Variants in CCSER2 observed in about 807,000 individuals in gnomAD.
CCSER2 encodes serine-rich coiled-coil domain-containing protein 2.
In CCSER2, 46 loss-of-function variants were observed where a neutral mutation model predicts 92.3. The observed-to-expected ratio is 0.50, with a 90% CI of 0.39 to 0.64. CCSER2 has a LOEUF of 0.64. CCSER2 is among the 30% of genes least tolerant of loss of function. CCSER2 has a pLI of 0.00. For missense variants in CCSER2, 1,244 were observed against 1,238.9 expected (o/e 1.00, Z -0.06); for synonymous variants, 433 against 431.4 (o/e 1.00, Z -0.04).
intron 7 of CCSER2, among the ~76,000 whole-genome samples, chr10:84,465,714 C>T (rs192601680): frequency 1.2e-4 from 18 of 152,066 alleles, no homozygotes; most frequent in African/African-American, 4.3e-4. Flanking sequence ...CTTTCTAGTT[C>T]ATCTAAATAT....
chr10:84,509,506 C>T (rs568348703), intron 9 of CCSER2, among the ~76,000 whole-genome samples: 1 of 152,292 alleles, frequency 6.6e-6, no homozygotes, highest in South Asian at 2.1e-4. Flanking sequence ...GCACAACCCC[C>T]CTGTAGTGCC....
chr10:84,346,134 G>A (rs1302250831), intron 1 of CCSER2, among the ~76,000 whole-genome samples: 10 of 152,094 alleles, frequency 6.6e-5, no homozygotes, highest in African/African-American at 2.2e-4. Context: ...GCGCAATCTC[G>A]GCTCACCGCA....
chr10:84,367,153 A>C (rs1341715708), intron 1 of CCSER2, among the ~76,000 whole-genome samples: 1 of 152,018 alleles, frequency 6.6e-6, no homozygotes, highest in Non-Finnish European at 1.5e-5. Context: ...GTATTTCATT[A>C]ACTTAAATAG....
At chr10:84,422,271 G>C (rs1564646773) in intron 4 of CCSER2, among the ~76,000 whole-genome samples, 1 of 152,150 alleles carries the variant, frequency 6.6e-6, no homozygotes, top group Non-Finnish European at 1.5e-5. Context: ...ATCATGTTCT[G>C]ATCCCCAACA....
At chr10:84,402,431 A>C (rs893834775) in intron 3 of CCSER2, among the ~76,000 whole-genome samples, 1 of 152,230 alleles carries the variant, frequency 6.6e-6, no homozygotes, top group Non-Finnish European at 1.5e-5. Flanking sequence ...CAGCAAATTG[A>C]AACCAACATG....
At chr10:84,421,790 T>G (rs989638053) in intron 4 of CCSER2, among the ~76,000 whole-genome samples, 1 of 152,228 alleles carries the variant, frequency 6.6e-6, no homozygotes, top group African/African-American at 2.4e-5. Context: ...TGACACGGGA[T>G]TCTTCAGAAA....
At chr10:84,492,475 A>C (rs1378391135) in intron 9 of CCSER2, among the ~76,000 whole-genome samples, 1 of 152,070 alleles carries the variant, frequency 6.6e-6, no homozygotes, top group African/African-American at 2.4e-5. Flanking sequence ...TCTTTGCATT[A>C]TGTCACCAGC....
intron 3 of CCSER2, among the ~76,000 whole-genome samples, chr10:84,406,614 G>A (rs1842391126): frequency 6.6e-6 from 1 of 152,158 alleles, no homozygotes; most frequent in Non-Finnish European, 1.5e-5. Flanking sequence ...GAAGCCTCTG[G>A]AAGCCAGAGA....
In CCSER2 at chr10:84,371,511, C is replaced by T. The variant is rs761637796; in HGVS notation, c.459C>T (p.Thr153=). Residue 153 remains threonine, a synonymous_variant, in exon 2 of 10, where the codon ACC becomes ACT. Coordinates refer to ENST00000372088, the MANE Select transcript of CCSER2 (RefSeq NM_001284240.2). ...FSGPSNLGKF[T]KGTLLGRTSY... is the part of the protein sequence containing the mutation. ...GACCATCTAATTTGGGTAAATTCAC[C>T]AAAGGCACATTATTAGGAAGGACTT... 5.0e-6 allele frequency: 8 copies of T among 1,613,492 alleles called. No homozygotes were observed. The highest frequency in any genetic ancestry group is 6.8e-6 in the Non-Finnish European group (8 of 1,179,708).
At chr10:84,431,445 T>TA (rs34764465) in intron 5 of CCSER2, among the ~76,000 whole-genome samples, 30,550 of 149,724 alleles carry the variant, frequency 0.2, 3,338 homozygotes, top group Admixed American at 0.34. Flanking sequence ...GCATCTCATT[T>TA]AAAAAAAAAA....
intron 1 of CCSER2, among the ~76,000 whole-genome samples, chr10:84,333,550 T>G (rs1035881480): frequency 2.0e-5 from 3 of 152,224 alleles, no homozygotes; most frequent in Admixed American, 1.3e-4. Context: ...CTTCATTTCT[T>G]AGACATTGGA....
chr10:84,337,885 G>A (rs1012791447), intron 1 of CCSER2, among the ~76,000 whole-genome samples: 2 of 152,198 alleles, frequency 1.3e-5, no homozygotes, highest in African/African-American at 4.8e-5. Context: ...GAAGGAAAAG[G>A]AGCAGGTAGG....
intron 9 of CCSER2, among the ~76,000 whole-genome samples, chr10:84,483,209 A>G (rs1207767253): frequency 2.0e-5 from 3 of 152,098 alleles, no homozygotes; most frequent in Non-Finnish European, 4.4e-5. Flanking sequence ...CCTGACCAAC[A>G]TGGAGAAACC....
intron 6 of CCSER2, among the ~76,000 whole-genome samples, chr10:84,441,449 C>G (rs1042432669): frequency 6.6e-6 from 1 of 151,982 alleles, no homozygotes; most frequent in Non-Finnish European, 1.5e-5. Context: ...CTTTGGTTCC[C>G]TGTATTCTTT....
At chr10:84,449,100 C>T (rs981624769) in intron 6 of CCSER2, among the ~76,000 whole-genome samples, 1 of 152,162 alleles carries the variant, frequency 6.6e-6, no homozygotes, top group Non-Finnish European at 1.5e-5. Context: ...TCAGGCCAGG[C>T]GCGGTGGCCC....
intron 5 of CCSER2, among the ~76,000 whole-genome samples, chr10:84,436,954 T>C (rs541224076): frequency 6.6e-6 from 1 of 152,350 alleles, no homozygotes; most frequent in South Asian, 2.1e-4. Flanking sequence ...GGTTGAAATT[T>C]AATGCGTTGG....
chr10:84,457,546 A>G (rs1462546009), intron 6 of CCSER2, among the ~76,000 whole-genome samples: 3 of 118,170 alleles, frequency 2.5e-5, no homozygotes, highest in Non-Finnish European at 4.8e-5. Context: ...ATTATATATA[A>G]TGTATATTAT....
chr10:84,359,125 C>T (rs12356810), intron 1 of CCSER2, among the ~76,000 whole-genome samples: 7,090 of 151,920 alleles, frequency 0.047, 237 homozygotes, highest in East Asian at 0.16. Flanking sequence ...ACTTTTTTGT[C>T]CCAACTTTTT....
At chr10:84,458,718 C>T (rs556409375) in intron 6 of CCSER2, among the ~76,000 whole-genome samples, 3 of 152,058 alleles carry the variant, frequency 2.0e-5, no homozygotes, top group Admixed American at 2.0e-4. Context: ...TATACACACA[C>T]ATATATTCCT....
Sources: allele counts gnomAD v4.1 joint callset (sites outside exome capture counted in the v4.1 genomes callset), GRCh38; gene constraint gnomAD v4.1.1; transcripts MANE v1.5; gene names NCBI Gene and HGNC (gene_info 2026-07-23, HGNC 2026-07-21).